Variants in IGSF5 observed in about 807,000 individuals in gnomAD.
The protein encoded by IGSF5 is immunoglobulin superfamily member 5, also known as immunoglobulin superfamily 5 like.
A neutral mutation model predicts 39.4 loss-of-function variants in IGSF5; 41 were observed. The observed-to-expected ratio is 1.04, with a 90% confidence interval of 0.81 to 1.35. The LOEUF (loss-of-function observed/expected upper bound fraction) is 1.35. Among genes scored for constraint, IGSF5 ranks in the 40% most tolerant of loss-of-function variants. The probability of loss-of-function intolerance (pLI) is 0.00; values close to 1 mark genes in which losing one functional copy is unlikely to be tolerated. For synonymous variants in IGSF5, 183 were observed against 175.3 expected, an observed-to-expected ratio of 1.04 and a Z score of -0.34; for missense variants, 487 against 494.6, an observed-to-expected ratio of 0.98 and a Z score of 0.15.
At chr21:39,777,546 G>T (rs1189678892) in intron 4 of IGSF5, among the ~76,000 whole-genome samples, 5 of 152,092 alleles carry the variant, frequency 3.3e-5, no homozygotes, top group Admixed American at 6.5e-5. Flanking sequence ...GTGTGGAATG[G>T]GAAGGGTGTA....
intron 2 of IGSF5, among the ~76,000 whole-genome samples, chr21:39,762,461 T>A (rs2080065953): frequency 6.6e-6 from 1 of 152,164 alleles, no homozygotes; most frequent in Admixed American, 6.5e-5. Flanking sequence ...GTGGGGAATG[T>A]CTGGGTTAAG....
chr21:39,746,221 C>T lies in IGSF5; in HGVS notation c.23C>T (p.Thr8Ile). 1.4e-6 allele frequency: 1 copy of T among 701,886 alleles called. No individual in the cohort carries two copies. Among genetic ancestry groups the T allele is most frequent in the Non-Finnish European group, 2.6e-6 (1 of 384,778 alleles). 43.5% of individuals were successfully genotyped at this position (701,886 alleles called of 1,614,324 possible). A position where few individuals can be genotyped will look rare whatever the true frequency, so the allele number is the denominator to read the frequency against. ...TGGGCGCCTCACTGGATCAGGAGCA[C>T]AGCAGATACTCTGCCGGATCTGGAG... Reference protein sequence around the residue: MGQKERSTADTLPDLEEW... With the variant: MGQKERSIADTLPDLEEW... Residue 8 changes from threonine to isoleucine, a missense_variant, in exon 2 of 9, where the codon ACA becomes ATA. Coordinates refer to ENST00000380588, the MANE Select transcript of IGSF5 (RefSeq NM_001080444.2).
At chr21:39,801,116 C>A in intron 8 of IGSF5, 146 bp from the exon 9 acceptor site, 1 of 620,228 alleles carries the variant, frequency 1.6e-6, no homozygotes. Context: ...AGAAATAATG[C>A]AAGAAAGGAA....
chr21:39,777,832 C>T (rs1338165970), intron 4 of IGSF5, among the ~76,000 whole-genome samples: 1 of 152,076 alleles, frequency 6.6e-6, no homozygotes, highest in African/African-American at 2.4e-5. Flanking sequence ...ACTACTATTG[C>T]AAGGTCAATT....
At chr21:39,793,844 T>C (rs1468253617) in intron 8 of IGSF5, among the ~76,000 whole-genome samples, 1 of 152,128 alleles carries the variant, frequency 6.6e-6, no homozygotes, top group Non-Finnish European at 1.5e-5. Context: ...GGGTAACAGC[T>C]CTGGGTTCAC....
chr21:39,782,184 G>C (rs535066014), intron 5 of IGSF5, among the ~76,000 whole-genome samples: 2 of 151,966 alleles, frequency 1.3e-5, no homozygotes, highest in African/African-American at 2.4e-5. Context: ...CTGTTCCATT[G>C]GTCCGTTTGC....
Position 39,765,657 on chromosome 21 carries a change from G to T in IGSF5, c.223G>T (p.Asp75Tyr), listed in dbSNP as rs761506387. 2 of 1,614,036 alleles carry T rather than the reference G, an allele frequency of 1.2e-6. No individual in the cohort carries two copies. Among genetic ancestry groups the T allele is most frequent in the Non-Finnish European group, 1.7e-6 (2 of 1,180,036 alleles). Residue 75 changes from aspartate (D) to tyrosine (Y), a missense_variant, in exon 3 of 9, where the codon GAC (aspartate) becomes TAC (tyrosine). By Grantham distance (160) the Asp-to-Tyr change is radical. Coordinates refer to ENST00000380588, the MANE Select transcript of IGSF5 (RefSeq NM_001080444.2). ...GWKLIMWALS[D>Y]MVVLSVRPME... ...GAAGCTCATCATGTGGGCTCTCAGT[G>T]ACATGGTGGTGCTAAGCGTCAGGCC...
At chr21:39,713,332 T>C in the IGSF5 span, among the ~76,000 whole-genome samples, 391 of 152,172 alleles carry the variant, frequency 2.6e-3, 1 homozygote, top group African/African-American at 8.7e-3. Context: ...ACCTTATGAG[T>C]TAGGGGGTCC....
chr21:39,790,844 A>G (rs753178897), intron 6 of IGSF5, among the ~76,000 whole-genome samples: 2 of 152,250 alleles, frequency 1.3e-5, no homozygotes, highest in Middle Eastern at 3.2e-3. Flanking sequence ...AAAATATACA[A>G]CAGTAAAAAG....
Position 39,746,252 on chromosome 21 carries a change from G to T in IGSF5, c.54G>T (p.Trp18Cys). ...ATACTCTGCCGGATCTGGAGGAATGGAAGTCAGCGGCGGGTCTGCGATGGT... is the reference window on the plus strand; with the variant it reads ...ATACTCTGCCGGATCTGGAGGAATGTAAGTCAGCGGCGGGTCTGCGATGGT... ...TADTLPDLEE[W>C]KSAAGLRWWQ... Residue 18 changes from tryptophan (W) to cysteine (C), a missense_variant, in exon 2 of 9, where the codon TGG becomes TGT. Coordinates refer to ENST00000380588, the MANE Select transcript of IGSF5 (RefSeq NM_001080444.2). 1.4e-6 allele frequency: 1 copy of T among 701,910 alleles called. No individual in the cohort carries two copies. The highest frequency in any genetic ancestry group is 2.6e-6 in the Non-Finnish European group (1 of 384,808). The allele number at this position is 701,910 out of a possible 1,614,324, so 43.5% of individuals were successfully genotyped here.
intron 2 of IGSF5, among the ~76,000 whole-genome samples, chr21:39,758,442 G>C (rs7278207): frequency 2.6e-5 from 4 of 151,866 alleles, no homozygotes; most frequent in African/African-American, 7.3e-5. Flanking sequence ...CCCCTCCCTC[G>C]TTTCTCACCT....
chr21:39,738,540 TATTTTA>T, the IGSF5 span, among the ~76,000 whole-genome samples: 1 of 152,288 alleles, frequency 6.6e-6, no homozygotes, highest in South Asian at 2.1e-4. This position sits in a 1 kb window ranked among gnomAD's most constrained non-coding sequence, Gnocchi z 6.4. Context: ...TACTTGATAA[TATTTTA>T]ATTTTTATGT....
the IGSF5 span, chr21:39,725,917 G>GA: frequency 6.6e-6 from 1 of 152,214 alleles, no homozygotes; most frequent in Non-Finnish European, 1.5e-5. Flanking sequence ...ACTGGAAGAT[G>GA]AAACTGGGGC....
the IGSF5 span, among the ~76,000 whole-genome samples, chr21:39,734,841 T>C: frequency 6.6e-6 from 1 of 152,160 alleles, no homozygotes; most frequent in Admixed American, 6.5e-5. Context: ...CAATAACATC[T>C]GGTTGTCAAA....
At chr21:39,798,386 T>A (rs1291683183) in intron 8 of IGSF5, among the ~76,000 whole-genome samples, 1 of 152,186 alleles carries the variant, frequency 6.6e-6, no homozygotes, top group African/African-American at 2.4e-5. Context: ...CTGGGGTTGG[T>A]AGTGCCATGC....
intron 4 of IGSF5, among the ~76,000 whole-genome samples, chr21:39,775,239 C>T (rs1232844612): frequency 6.6e-6 from 1 of 152,230 alleles, no homozygotes; most frequent in African/African-American, 2.4e-5. Flanking sequence ...CCAATCCCAG[C>T]TCACACAATC....
Position 39,801,407 on chromosome 21 carries a change from C to A in IGSF5, c.*50C>A. ...AGCACTTGGCTGACAATTCAAAACA[C>A]GGCGATGGCATCCTTCCTTTCCATC... On this transcript the variant is annotated 3_prime_UTR_variant, in exon 9 of 9. Coordinates refer to ENST00000380588, the MANE Select transcript of IGSF5 (RefSeq NM_001080444.2). 3 of 1,312,972 alleles carry A rather than the reference C, an allele frequency of 2.3e-6. No individual in the cohort carries two copies. Among genetic ancestry groups the A allele is most frequent in the Non-Finnish European group, 3.3e-6 (3 of 910,360 alleles). The allele number at this position is 1,312,972 out of a possible 1,614,324, so 81.3% of individuals were successfully genotyped here.
chr21:39,751,874 C>T (rs1394383831), intron 2 of IGSF5, among the ~76,000 whole-genome samples: 3 of 152,044 alleles, frequency 2.0e-5, no homozygotes, highest in Admixed American at 6.5e-5. Context: ...GAAGGCCGAC[C>T]CTGAATGCAA....
chr21:39,746,001 G>A (rs1037079544), intron 1 of IGSF5, among the ~76,000 whole-genome samples: 2 of 152,160 alleles, frequency 1.3e-5, no homozygotes, highest in Non-Finnish European at 2.9e-5. Flanking sequence ...TCTCTGACCT[G>A]GGGTTCTTGG....
Sources: gnomAD v4.1 joint callset for allele counts (sites outside exome capture counted in the v4.1 genomes callset) on GRCh38, gnomAD v4.1.1 for gene constraint, Gnocchi (gnomAD v3.1) non-coding constraint, MANE v1.5 for transcripts, NCBI Gene and HGNC (gene_info 2026-07-23, HGNC 2026-07-21) for gene names.